ZNF475: variants seen among roughly 807,000 people sequenced by gnomAD.
The protein encoded by ZNF475 is zinc finger protein 475.
At chr5:122,177,498 GA>G in the ZNF475 span, among the ~76,000 whole-genome samples, 3 of 152,132 alleles carry the variant, frequency 2.0e-5, no homozygotes, top group Non-Finnish European at 4.4e-5. Flanking sequence ...TATTAAATGA[GA>G]AAATATAATT....
the ZNF475 span, among the ~76,000 whole-genome samples, chr5:122,175,307 T>C: frequency 1.3e-5 from 2 of 152,186 alleles, no homozygotes; most frequent in African/African-American, 2.4e-5. Context: ...TCCCAATAGT[T>C]ATAGTTAGAA....
the ZNF475 span, among the ~76,000 whole-genome samples, chr5:122,169,817 C>T: frequency 6.6e-6 from 1 of 152,212 alleles, no homozygotes; most frequent in Non-Finnish European, 1.5e-5. Flanking sequence ...AATAAGATGA[C>T]TAGTACCATA....
At chr5:122,170,019 T>C in the ZNF475 span, among the ~76,000 whole-genome samples, 1 of 152,226 alleles carries the variant, frequency 6.6e-6, no homozygotes, top group African/African-American at 2.4e-5. Flanking sequence ...TGGAGCAGAA[T>C]TCTAGGATTT....
chr5:122,179,399 G>T, the ZNF475 span: 15 of 327,624 alleles, frequency 4.6e-5, no homozygotes, highest in Middle Eastern at 8.4e-4. Flanking sequence ...CCATTTGTTT[G>T]TGTCCTCTCT....
chr5:122,172,502 C>G, the ZNF475 span, among the ~76,000 whole-genome samples: 2 of 152,164 alleles, frequency 1.3e-5, no homozygotes, highest in African/African-American at 2.4e-5. Flanking sequence ...GGGAATCTAC[C>G]AATCAGTCGA....
chr5:122,171,742 C>CT, the ZNF475 span, among the ~76,000 whole-genome samples: 587 of 144,582 alleles, frequency 4.1e-3, 2 homozygotes, highest in East Asian at 0.02. Context: ...CTTCTCTATA[C>CT]TTTTTTTTTT....
chr5:122,163,782 C>T, the ZNF475 span, among the ~76,000 whole-genome samples: 1 of 152,170 alleles, frequency 6.6e-6, no homozygotes, highest in Non-Finnish European at 1.5e-5. Context: ...CAAGGATTAC[C>T]CATGCTTACT....
At chr5:122,176,865 A>G in the ZNF475 span, among the ~76,000 whole-genome samples, 1 of 152,144 alleles carries the variant, frequency 6.6e-6, no homozygotes, top group Admixed American at 6.5e-5. Context: ...AAGCTATTCA[A>G]TTTGTTCTCA....
the ZNF475 span, among the ~76,000 whole-genome samples, chr5:122,167,286 A>T: frequency 6.6e-6 from 1 of 152,138 alleles, no homozygotes; most frequent in Non-Finnish European, 1.5e-5. Flanking sequence ...TTCTTGATGA[A>T]ATCTTATGTA....
At chr5:122,172,697 A>G in the ZNF475 span, among the ~76,000 whole-genome samples, 5 of 152,212 alleles carry the variant, frequency 3.3e-5, no homozygotes, top group African/African-American at 7.2e-5. Context: ...CTTTCACACT[A>G]TAAGTTATCA....
chr5:122,160,258 C>T, the ZNF475 span: 1 of 1,289,718 alleles, frequency 7.8e-7, no homozygotes, highest in African/African-American at 1.5e-5. Context: ...GACCACAACA[C>T]TAAGGTAACA....
the ZNF475 span, chr5:122,182,498 C>T: frequency 8.4e-4 from 1,245 of 1,473,660 alleles, 3 homozygotes; most frequent in South Asian, 1.1e-3. Context: ...CAGCCAAAGG[C>T]TTCTATGATC....
chr5:122,170,299 G>A, the ZNF475 span, among the ~76,000 whole-genome samples: 2 of 152,086 alleles, frequency 1.3e-5, no homozygotes, highest in African/African-American at 4.8e-5. Context: ...AGTCTCACAA[G>A]ACTGCCCCCC....
chr5:122,170,243 T>C, the ZNF475 span, among the ~76,000 whole-genome samples: 1 of 152,190 alleles, frequency 6.6e-6, no homozygotes, highest in Non-Finnish European at 1.5e-5. Flanking sequence ...TCCAGACAAC[T>C]GCGTGTTGTC....
At chr5:122,179,681 A>T in the ZNF475 span, 7 of 1,533,260 alleles carry the variant, frequency 4.6e-6, no homozygotes, top group Non-Finnish European at 6.1e-6. Context: ...TGTTGCCTAA[A>T]GAGTTAAGGA....
the ZNF475 span, chr5:122,162,530 A>T: frequency 1.3e-5 from 2 of 152,232 alleles, no homozygotes; most frequent in Admixed American, 1.3e-4. Context: ...GGAGGACATG[A>T]CTAAGAGAGT....
chr5:122,176,286 A>G, the ZNF475 span, among the ~76,000 whole-genome samples: 1 of 151,312 alleles, frequency 6.6e-6, no homozygotes, highest in South Asian at 2.1e-4. Context: ...TAGAATTTTC[A>G]TGGTTTTAAA....
At chr5:122,173,351 C>G in the ZNF475 span, among the ~76,000 whole-genome samples, 15 of 152,156 alleles carry the variant, frequency 9.9e-5, no homozygotes, top group African/African-American at 1.9e-4. Context: ...TATGTCCATT[C>G]CTCTTTTATC....
the ZNF475 span, among the ~76,000 whole-genome samples, chr5:122,179,341 G>A: frequency 3.5e-4 from 53 of 152,138 alleles, no homozygotes; most frequent in East Asian, 1.2e-3. Context: ...TAGTATGGCC[G>A]TTTTCACGAT....
Sources: allele counts gnomAD v4.1 joint callset (sites outside exome capture counted in the v4.1 genomes callset), GRCh38; gene constraint gnomAD v4.1.1; transcripts MANE v1.5; gene names NCBI Gene and HGNC (gene_info 2026-07-23, HGNC 2026-07-21).